COG5: variants seen among roughly 807,000 people sequenced by gnomAD.
COG5 encodes the protein component of oligomeric golgi complex 5, also known as conserved oligomeric Golgi complex subunit 5.
Under a neutral mutation model 110.4 loss-of-function variants are expected in COG5, and 86 were observed. That is an observed-to-expected ratio of 0.78 (90% CI 0.65 to 0.93). COG5 has a LOEUF of 0.93. Ranked by LOEUF, COG5 falls within the 40% of genes least tolerant of loss-of-function variation. The pLI, the probability that COG5 is intolerant of heterozygous loss-of-function variation, is 0.00. For synonymous variants in COG5, 360 were observed against 334.6 expected (o/e 1.08, Z -0.83); for missense variants, 1,077 against 987.0 (o/e 1.09, Z -1.22).
chr7:107,490,370 CA>C (rs1797909919), intron 6 of COG5, among the ~76,000 whole-genome samples: 1 of 152,170 alleles, frequency 6.6e-6, no homozygotes, highest in South Asian at 2.1e-4. Context: ...AGTAATACTT[CA>C]ATATCTTGTT....
chr7:107,223,094 C>G (rs1047351755), intron 19 of COG5, among the ~76,000 whole-genome samples: 1 of 152,142 alleles, frequency 6.6e-6, no homozygotes, highest in African/African-American at 2.4e-5. Flanking sequence ...CTTGCCATCA[C>G]CCCATCTTGA....
intron 5 of COG5, among the ~76,000 whole-genome samples, chr7:107,541,167 T>A (rs1281509681): frequency 2.2e-5 from 3 of 134,286 alleles, no homozygotes; most frequent in Admixed American, 1.5e-4. Flanking sequence ...AAAAAAAAAA[T>A]TTATAAACAT....
Position 107,225,055 on chromosome 7 carries a change from C to T in COG5, c.2168+5560G>A, listed in dbSNP as rs531094162. On this transcript the variant is annotated intron_variant, in intron 19 of 21. Transcript: ENST00000297135. ...GCCTGTGTGTGTGTATGTATGAGGG[C>T]GTGTGCATGTGTGTACATGCTGGGT... Among the ~76,000 whole-genome samples the T allele has an allele frequency of 5.9e-5, 9 of 152,274 alleles. No individual in the cohort carries two copies. The South Asian group carries it at 1.5e-3, about 25-fold the overall frequency.
intron 6 of COG5, among the ~76,000 whole-genome samples, chr7:107,505,302 G>A (rs865952981): frequency 2.6e-5 from 4 of 152,130 alleles, no homozygotes; most frequent in South Asian, 4.1e-4. Context: ...AGAGGTGGCC[G>A]AGGAAGCTCT....
chr7:107,223,226 C>T (rs986595591), intron 19 of COG5, among the ~76,000 whole-genome samples: 22 of 152,118 alleles, frequency 1.4e-4, no homozygotes, highest in Admixed American at 1.4e-3. Flanking sequence ...TGGGGCAGGG[C>T]ACAGGTGGCC....
intron 12 of COG5, among the ~76,000 whole-genome samples, chr7:107,295,919 T>C (rs1410455621): frequency 6.6e-6 from 1 of 152,142 alleles, no homozygotes; most frequent in Non-Finnish European, 1.5e-5. Context: ...GCCTCCCAAG[T>C]AGCTGGGATT....
At chr7:107,309,089 G>A (rs1453839852) in intron 11 of COG5, among the ~76,000 whole-genome samples, 1 of 150,680 alleles carries the variant, frequency 6.6e-6, no homozygotes, top group Non-Finnish European at 1.5e-5. Context: ...TTATTTCTAG[G>A]GCTTTTCGGT....
At chr7:107,226,527 T>C (rs1421382999) in intron 19 of COG5, among the ~76,000 whole-genome samples, 1 of 152,174 alleles carries the variant, frequency 6.6e-6, no homozygotes, top group African/African-American at 2.4e-5. Flanking sequence ...AGGAAGGAAT[T>C]TGGTAGGACC....
intron 16 of COG5, among the ~76,000 whole-genome samples, chr7:107,249,306 T>C (rs942067502): frequency 5.3e-5 from 8 of 151,972 alleles, no homozygotes; most frequent in African/African-American, 1.7e-4. Context: ...ATCTAGTAGG[T>C]AGAGGACAAA....
chr7:107,408,485 G>A (rs1269791956), intron 7 of COG5, among the ~76,000 whole-genome samples: 3 of 152,232 alleles, frequency 2.0e-5, no homozygotes, highest in African/African-American at 7.2e-5. Context: ...TACTAAGAAT[G>A]AGCTTGCTCA....
chr7:107,557,283 T>C (rs1803395045), intron 2 of COG5, among the ~76,000 whole-genome samples: 2 of 152,200 alleles, frequency 1.3e-5, no homozygotes, highest in South Asian at 4.1e-4. Context: ...TGTTCATTCA[T>C]TTAAATATGT....
intron 18 of COG5, among the ~76,000 whole-genome samples, chr7:107,233,687 G>A (rs925899825): frequency 3.9e-5 from 6 of 152,060 alleles, no homozygotes; most frequent in Non-Finnish European, 5.9e-5. Flanking sequence ...GAGTATTTGT[G>A]TATTTTTGAT....
intron 1 of COG5, among the ~76,000 whole-genome samples, chr7:107,562,677 G>A (rs535777595): frequency 7.8e-4 from 119 of 152,254 alleles, no homozygotes; most frequent in African/African-American, 2.5e-3. Context: ...CGGTCCTAGA[G>A]TTTCCAACAT....
intron 21 of COG5, among the ~76,000 whole-genome samples, chr7:107,205,325 C>T (rs1727672975): frequency 6.6e-6 from 1 of 152,064 alleles, no homozygotes; most frequent in African/African-American, 2.4e-5. Context: ...CAACTGAATA[C>T]CAGCTTCATC....
At chr7:107,361,439 C>A (rs1332639247) in intron 10 of COG5, among the ~76,000 whole-genome samples, 1 of 152,080 alleles carries the variant, frequency 6.6e-6, no homozygotes, top group Non-Finnish European at 1.5e-5. Context: ...TTTTAAAGCA[C>A]TTATAAGCTG....
At chr7:107,562,750 G>A (rs1017681745) in intron 1 of COG5, among the ~76,000 whole-genome samples, 1 of 152,146 alleles carries the variant, frequency 6.6e-6, no homozygotes. Flanking sequence ...GAAAAGGCAC[G>A]TAATTCAGGA....
rs560684885 is a variant in COG5 at position 107,236,688 on chromosome 7, C to A, written c.1854-1G>T. On this transcript the variant is annotated splice_acceptor_variant, in intron 17 of 21. Transcript: ENST00000297135. LOFTEE classifies it high-confidence loss of function. ...AGGTTTTCCTGAGCTGGATAATGAC[C>A]TGTAAAAGAAAAAGCAGCCCTTTTC... 6.8e-6 allele frequency: 11 copies of A among 1,608,802 alleles called. No homozygotes were observed. The highest frequency in any genetic ancestry group is 1.1e-5 in the South Asian group (1 of 90,958).
intron 6 of COG5, among the ~76,000 whole-genome samples, chr7:107,420,755 C>G (rs1417520315): frequency 2.0e-5 from 3 of 152,186 alleles, no homozygotes; most frequent in African/African-American, 4.8e-5. Flanking sequence ...GCCACCGTGC[C>G]CATCCTAAAA....
chr7:107,537,588 G>T (rs760177312), intron 5 of COG5, among the ~76,000 whole-genome samples: 1 of 152,026 alleles, frequency 6.6e-6, no homozygotes, highest in African/African-American at 2.4e-5. Context: ...GGCCTGTCAG[G>T]GGGTGGGGCC....
Sources: gnomAD v4.1 joint callset for allele counts (sites outside exome capture counted in the v4.1 genomes callset) on GRCh38, gnomAD v4.1.1 for gene constraint, MANE v1.5 for transcripts, NCBI Gene and HGNC (gene_info 2026-07-23, HGNC 2026-07-21) for gene names.